ADAM32: variants seen among roughly 807,000 people sequenced by gnomAD.
ADAM32 encodes the protein ADAM metallopeptidase domain 32, also known as disintegrin and metalloproteinase domain-containing protein 32.
ADAM32 carries 89 observed loss-of-function variants against 114.9 expected under a neutral mutation model. The observed-to-expected ratio is 0.77, with a 90% CI of 0.65 to 0.92. The LOEUF is 0.92. Ranked by LOEUF, ADAM32 falls within the 40% of genes least tolerant of loss-of-function variation. The pLI, the probability that ADAM32 is intolerant of heterozygous loss-of-function variation, is 0.00. For synonymous variants in ADAM32, 285 were observed against 307.5 expected (o/e 0.93, Z 0.77); for missense variants, 870 against 932.8 (o/e 0.93, Z 0.88).
chr8:39,245,061 A>C (rs1810817110), intron 16 of ADAM32, among the ~76,000 whole-genome samples: 1 of 151,870 alleles, frequency 6.6e-6, no homozygotes. Flanking sequence ...CAGCAGAGTA[A>C]ACAGACAACC....
intron 24 of ADAM32, 49 bp from the exon 25 acceptor site, chr8:39,284,744 A>T (rs770497932): frequency 6.2e-7 from 1 of 1,608,980 alleles, no homozygotes; most frequent in Admixed American, 1.7e-5. Flanking sequence ...AGTGGGAGGG[A>T]ATTTGCTGTC....
rs113784377 is a variant in ADAM32 at position 39,215,904 on chromosome 8, T to G, written c.1233+4580T>G. ...AATGTTCTGTAAATATCTATTAGAT[T>G]CATTTTATCTATAGTGCAGATTAAG... On this transcript the variant is annotated intron_variant, in intron 12 of 24. Coordinates refer to ENST00000379907, the MANE Select transcript of ADAM32 (RefSeq NM_145004.7). Among the ~76,000 whole-genome samples the G allele has an allele frequency of 7.8e-3, 1,194 of 152,148 alleles. 18 individuals are homozygous for G. The highest frequency in any genetic ancestry group is 0.027 in the African/African-American group (1,137 of 41,554).
intron 2 of ADAM32, among the ~76,000 whole-genome samples, chr8:39,121,635 A>G (rs1840595734): frequency 6.6e-6 from 1 of 152,188 alleles, no homozygotes; most frequent in Non-Finnish European, 1.5e-5. Flanking sequence ...CCTGAAAGCA[A>G]TTCAGAGATC....
At chr8:39,113,607 C>A (rs1458354259) in intron 1 of ADAM32, among the ~76,000 whole-genome samples, 1 of 152,084 alleles carries the variant, frequency 6.6e-6, no homozygotes, top group Non-Finnish European at 1.5e-5. Flanking sequence ...ACCACTGGAC[C>A]CCAAGAAACT....
intron 14 of ADAM32, chr8:39,223,938 C>T (rs1234065716): frequency 6.6e-6 from 1 of 152,072 alleles, no homozygotes; most frequent in East Asian, 1.9e-4. Flanking sequence ...GCATAATGGC[C>T]TCCAGGTTCA....
intron 1 of ADAM32, among the ~76,000 whole-genome samples, chr8:39,116,063 C>T (rs1840361882): frequency 6.6e-6 from 1 of 152,172 alleles, no homozygotes; most frequent in Admixed American, 6.5e-5. Flanking sequence ...GGCTTTATTT[C>T]TGAGTTTTCT....
intron 2 of ADAM32, among the ~76,000 whole-genome samples, chr8:39,133,684 G>A (rs905439211): frequency 2.0e-5 from 3 of 152,250 alleles, no homozygotes; most frequent in African/African-American, 4.8e-5. Flanking sequence ...CACTGGTCAG[G>A]GTTGTGGCAG....
intron 17 of ADAM32, among the ~76,000 whole-genome samples, chr8:39,250,586 G>C (rs1811226210): frequency 6.6e-6 from 1 of 150,964 alleles, no homozygotes; most frequent in African/African-American, 2.4e-5. Flanking sequence ...CTGTTGTGGG[G>C]GTATAAATGA....
chr8:39,269,925 C>T (rs7842190), intron 19 of ADAM32, among the ~76,000 whole-genome samples: 4,124 of 152,184 alleles, frequency 0.027, 215 homozygotes, highest in African/African-American at 0.094. Context: ...TGGCAGAAGG[C>T]GAAGGGGAAG....
At chr8:39,232,609 C>G (rs879365752) in intron 15 of ADAM32, among the ~76,000 whole-genome samples, 5 of 152,166 alleles carry the variant, frequency 3.3e-5, no homozygotes, top group Non-Finnish European at 4.4e-5. Flanking sequence ...TACTCATACA[C>G]TCATGGAATT....
intron 1 of ADAM32, among the ~76,000 whole-genome samples, chr8:39,112,322 T>G (rs746314410): frequency 2.0e-5 from 3 of 152,210 alleles, no homozygotes; most frequent in Non-Finnish European, 4.4e-5. Flanking sequence ...AATCATTTTA[T>G]TTTTTCTATA....
chr8:39,137,388 G>C (rs994943722), intron 3 of ADAM32, among the ~76,000 whole-genome samples: 1 of 152,108 alleles, frequency 6.6e-6, no homozygotes, highest in East Asian at 1.9e-4. Flanking sequence ...GAAAAAAGAG[G>C]CTTACATGAA....
At chr8:39,114,070 T>C (rs1169841836) in intron 1 of ADAM32, among the ~76,000 whole-genome samples, 1 of 152,208 alleles carries the variant, frequency 6.6e-6, no homozygotes, top group Non-Finnish European at 1.5e-5. Context: ...AGCTAGTTCA[T>C]TTCACAAAAT....
intron 3 of ADAM32, among the ~76,000 whole-genome samples, chr8:39,138,875 G>GT (rs1456170015): frequency 9.8e-5 from 15 of 152,292 alleles, no homozygotes; most frequent in African/African-American, 3.6e-4. Context: ...TCTAAGTGGC[G>GT]TGAGATGGTA....
At position 39,223,126 on chromosome 8, in the gene ADAM32, T is replaced by C. The variant is rs1456521563; in HGVS notation, c.1413T>C (p.Cys471=). The stretch of plus-strand genomic sequence containing the variant: ...ATTGTAATGGAACCTCACCAGAATG[T>C]GGTCCTGACATAACTTTAATCAATG... ...AENCNGTSPE[C]GPDITLINGL... Residue 471 remains cysteine (C), a synonymous_variant, in exon 14 of 25, where the codon TGT becomes TGC. Transcript: ENST00000379907. 9 of 1,598,488 alleles carry C rather than the reference T, an allele frequency of 5.6e-6. No individual in the cohort carries two copies. Among genetic ancestry groups the C allele is most frequent in the Non-Finnish European group, 6.8e-6 (8 of 1,172,626 alleles).
chr8:39,228,096 G>A (rs976901928), intron 14 of ADAM32, among the ~76,000 whole-genome samples: 6 of 152,122 alleles, frequency 3.9e-5, no homozygotes, highest in Admixed American at 6.5e-5. Flanking sequence ...ACTGCAGTTC[G>A]GCTCATAGGA....
Position 39,108,007 on chromosome 8 carries a change from A to G in ADAM32, c.58+174A>G, listed in dbSNP as rs1588449616. 10 of 849,292 alleles carry G rather than the reference A, an allele frequency of 1.2e-5. No homozygotes were observed. In the East Asian group the frequency reaches 1.8e-4, roughly 16 times the overall value. 52.6% of individuals were successfully genotyped at this position (849,292 alleles called of 1,614,324 possible). A position where few individuals can be genotyped will look rare whatever the true frequency, so the allele number is the denominator to read the frequency against. On this transcript the variant is annotated intron_variant, in intron 1 of 24. Transcript: ENST00000379907. ...CGGATGGAGAAGCGACTCAGGGCCC[A>G]GCACCAGGGCTCACGCCTGTAATCC... is the stretch of plus-strand genomic sequence containing the variant.
chr8:39,283,542 T>G, intron 23 of ADAM32, 44 bp from the exon 24 acceptor site: 1 of 1,449,280 alleles, frequency 6.9e-7, no homozygotes, highest in South Asian at 1.3e-5. Flanking sequence ...GTTTGACAGG[T>G]TGTATTATAT....
chr8:39,201,542 T>C (rs1026446813), intron 11 of ADAM32, among the ~76,000 whole-genome samples: 3 of 152,092 alleles, frequency 2.0e-5, no homozygotes, highest in Admixed American at 6.5e-5. Context: ...GACGTTGGGG[T>C]TTTCTAGATA....
Sources: gnomAD v4.1 joint callset for allele counts (sites outside exome capture counted in the v4.1 genomes callset) on GRCh38, gnomAD v4.1.1 for gene constraint, MANE v1.5 for transcripts, NCBI Gene and HGNC (gene_info 2026-07-23, HGNC 2026-07-21) for gene names.